NUDT9: variants seen among roughly 807,000 people sequenced by gnomAD.
NUDT9 encodes ADP-ribose pyrophosphatase.
A neutral mutation model predicts 41.0 loss-of-function variants in NUDT9; 31 were observed. That is an observed-to-expected ratio of 0.76 (90% CI 0.57 to 1.02). The LOEUF (loss-of-function observed/expected upper bound fraction) is 1.02, where lower values mean the gene tolerates loss of function less well. NUDT9 is among the 50% of genes least tolerant of loss of function. The pLI is 0.00. For missense variants in NUDT9, 380 were observed against 431.4 expected (o/e 0.88, Z 1.06); for synonymous variants, 146 against 147.6 (o/e 0.99, Z 0.08).
At chr4:87,448,920 A>T (rs915004685) in intron 4 of NUDT9, among the ~76,000 whole-genome samples, 4 of 152,224 alleles carry the variant, frequency 2.6e-5, no homozygotes, top group African/African-American at 9.6e-5. Flanking sequence ...CAGATAATGT[A>T]GTGTCTTTTA....
chr4:87,428,342 AC>A (rs919375309), intron 1 of NUDT9, among the ~76,000 whole-genome samples: 5 of 152,188 alleles, frequency 3.3e-5, no homozygotes, highest in African/African-American at 9.7e-5. Context: ...TTCTTACAGA[AC>A]TCAACACTTA....
intron 1 of NUDT9, chr4:87,434,289 C>T (rs1020619919): frequency 1.3e-5 from 2 of 152,132 alleles, no homozygotes; most frequent in African/African-American, 4.8e-5. Context: ...AGTGATCTGC[C>T]CTCCTTAGCC....
rs972619921 is a variant in NUDT9, at chr4:87,458,940, G to A, written c.*919G>A. 8 of 152,174 alleles carry A rather than the reference G, an allele frequency of 5.3e-5. No homozygotes were observed. The allele number at this position is 152,174 out of a possible 1,614,324, so 9.4% of individuals were successfully genotyped here. A position where few individuals can be genotyped will look rare whatever the true frequency, so the allele number is the denominator to read the frequency against. On this transcript the variant is annotated 3_prime_UTR_variant, in exon 8 of 8. Transcript: ENST00000302174. ...ATTTGACCCAGTAATCCCATTACTA[G>A]GTATATACCCGAAGGAATATAAATT...
intron 1 of NUDT9, among the ~76,000 whole-genome samples, chr4:87,428,817 A>G (rs148193581): frequency 2.0e-5 from 3 of 152,272 alleles, no homozygotes; most frequent in East Asian, 3.9e-4. Flanking sequence ...ACCTCCACCC[A>G]TGCATAGCCT....
chr4:87,437,371 CG>C (rs1406097914), intron 2 of NUDT9, among the ~76,000 whole-genome samples: 1 of 151,790 alleles, frequency 6.6e-6, no homozygotes, highest in African/African-American at 2.4e-5. Flanking sequence ...GATGGAGTCT[CG>C]CTCTGTCGCC....
intron 3 of NUDT9, among the ~76,000 whole-genome samples, chr4:87,439,772 C>T (rs967475761): frequency 6.6e-6 from 1 of 152,130 alleles, no homozygotes; most frequent in Admixed American, 6.5e-5. Context: ...GTTCTGCCCT[C>T]AATTTTCGAG....
intron 1 of NUDT9, among the ~76,000 whole-genome samples, chr4:87,430,112 G>T (rs1417460316): frequency 1.3e-5 from 2 of 152,198 alleles, no homozygotes; most frequent in African/African-American, 4.8e-5. Flanking sequence ...CGTGATCAAA[G>T]ATATGATTAC....
At chr4:87,425,390 CCT>C (rs1491276326) in intron 1 of NUDT9, among the ~76,000 whole-genome samples, 2 of 128,816 alleles carry the variant, frequency 1.6e-5, no homozygotes, top group Admixed American at 1.6e-4. Context: ...GTGTTCTTTT[CCT>C]TTTTTTTTTT....
intron 2 of NUDT9, among the ~76,000 whole-genome samples, chr4:87,437,903 C>T (rs1722025142): frequency 6.6e-6 from 1 of 152,040 alleles, no homozygotes; most frequent in African/African-American, 2.4e-5. Context: ...CAGAAGGAAT[C>T]TTATTTTTGG....
In NUDT9 at chr4:87,422,774, G is replaced by C. The variant is rs1241465689; in HGVS notation, c.-132G>C. ...TAGATAGGCACAGCTACTCCCGTTCGGGAACCCAACGGCAGACAGGTCCTA... is the reference window on the plus strand; with the variant it reads ...TAGATAGGCACAGCTACTCCCGTTCCGGAACCCAACGGCAGACAGGTCCTA... On this transcript the variant is annotated 5_prime_UTR_variant, in exon 1 of 8. Transcript: ENST00000302174. 1 of 578,720 alleles carries C rather than the reference G, an allele frequency of 1.7e-6. No individual in the cohort carries two copies. Among genetic ancestry groups the C allele is most frequent in the East Asian group, 3.0e-5 (1 of 33,200 alleles). 35.8% of individuals were successfully genotyped at this position (578,720 alleles called of 1,614,324 possible).
chr4:87,425,391 C>CTTT lies in NUDT9; in HGVS notation c.107+2397_107+2399dup, dbSNP rs70957241. 4.5e-4 allele frequency among the ~76,000 whole-genome samples: 53 copies of CTTT among 116,710 alleles called. 1 individual carries two copies. The highest frequency in any genetic ancestry group is 1.2e-3 in the African/African-American group (38 of 30,566). The allele number at this position is 116,710 out of a possible 152,430, so 76.6% of individuals were successfully genotyped here. A position where few individuals can be genotyped will look rare whatever the true frequency, so the allele number is the denominator to read the frequency against. On this transcript the variant is annotated intron_variant, in intron 1 of 7. Coordinates refer to ENST00000302174, the MANE Select transcript of NUDT9 (RefSeq NM_024047.5). ...AGACCGTGTCCCTAGTGTTCTTTTC[C>CTTT]TTTTTTTTTTTTTTTTTTTTGAGAT...
At position 87,434,966 on chromosome 4, in the gene NUDT9, CT is replaced by C; in HGVS notation, c.108-10del. The C allele has an allele frequency of 1.3e-6, 2 of 1,592,872 alleles. No individual in the cohort carries two copies. The highest frequency in any genetic ancestry group is 1.7e-6 in the Non-Finnish European group (2 of 1,171,614). On this transcript the variant is annotated splice_polypyrimidine_tract_variant and intron_variant, in intron 1 of 7. Coordinates refer to ENST00000302174, the MANE Select transcript of NUDT9 (RefSeq NM_024047.5). ...TTTGGTATTTATGTAAAATGTTTTTCTTTTTCTCCCCCAGAAACTCGTTTTC... is the reference window on the plus strand; with the variant it reads ...TTTGGTATTTATGTAAAATGTTTTTCTTTTCTCCCCCAGAAACTCGTTTTC...
At chr4:87,423,504 G>T (rs1721248167) in intron 1 of NUDT9, among the ~76,000 whole-genome samples, 2 of 150,014 alleles carry the variant, frequency 1.3e-5, no homozygotes, top group Non-Finnish European at 3.0e-5. Context: ...GATTTATGGT[G>T]TCTTACACTG....
rs766962888 is a variant in NUDT9 at position 87,422,877 on chromosome 4, A to G, written c.-29A>G. 4 of 1,580,660 alleles carry G rather than the reference A, an allele frequency of 2.5e-6. No individual in the cohort carries two copies. Among genetic ancestry groups the G allele is most frequent in the Admixed American group, 1.7e-5 (1 of 59,404 alleles). On this transcript the variant is annotated 5_prime_UTR_variant, in exon 1 of 8. Transcript: ENST00000302174. Reference sequence around the variant, plus strand: ...CGGAGGCACCAACTAAGAGCGACCTAGCATCGCAAAGCCGCCCTCGGGGCG... The same window carrying G: ...CGGAGGCACCAACTAAGAGCGACCTGGCATCGCAAAGCCGCCCTCGGGGCG...
chr4:87,442,002 T>C, intron 4 of NUDT9, 87 bp downstream of exon 4: 1 of 828,486 alleles, frequency 1.2e-6, no homozygotes, highest in South Asian at 1.8e-5. Context: ...TATATATGTA[T>C]ACCTGTGTGT....
Position 87,458,164 on chromosome 4 carries a change from C to T in NUDT9, c.*143C>T, listed in dbSNP as rs538487726. ...AAAACAATTTGCATTTAGAGTGTTT[C>T]GCATCAGAATAACATGAGTAAGATG... On this transcript the variant is annotated 3_prime_UTR_variant, in exon 8 of 8. Coordinates refer to ENST00000302174, the MANE Select transcript of NUDT9 (RefSeq NM_024047.5). 2.4e-5 allele frequency: 15 copies of T among 614,896 alleles called. No homozygotes were observed. Among genetic ancestry groups the T allele is most frequent in the Admixed American group, 1.2e-4 (3 of 24,836 alleles). 38.1% of individuals were successfully genotyped at this position (614,896 alleles called of 1,614,324 possible). A position where few individuals can be genotyped will look rare whatever the true frequency, so the allele number is the denominator to read the frequency against.
At chr4:87,453,971 T>G (rs1722873308) in intron 6 of NUDT9, among the ~76,000 whole-genome samples, 1 of 151,722 alleles carries the variant, frequency 6.6e-6, no homozygotes, top group Non-Finnish European at 1.5e-5. Context: ...TAATTTCTCC[T>G]GTCTTAGCCT....
At chr4:87,443,544 G>A (rs138033513) in intron 4 of NUDT9, among the ~76,000 whole-genome samples, 1 of 152,306 alleles carries the variant, frequency 6.6e-6, no homozygotes, top group East Asian at 1.9e-4. Flanking sequence ...GTTGCAAGAT[G>A]GAAAATGTGA....
rs530680876 is a variant in NUDT9 at position 87,447,436 on chromosome 4, A to G, written c.531-1706A>G. On this transcript the variant is annotated intron_variant, in intron 4 of 7. Transcript: ENST00000302174. Reference sequence around the variant, plus strand: ...TTTATTGGGTTTCATCCAGAGTAATACTTATATCATAGACCTTCTTTTTTG... The same window carrying G: ...TTTATTGGGTTTCATCCAGAGTAATGCTTATATCATAGACCTTCTTTTTTG... Among the ~76,000 whole-genome samples the G allele has an allele frequency of 3.0e-4, 46 of 151,344 alleles. 1 individual carries two copies. In the South Asian group the frequency reaches 9.2e-3, roughly 30 times the overall value.
Sources: allele counts gnomAD v4.1 joint callset (sites outside exome capture counted in the v4.1 genomes callset), GRCh38; gene constraint gnomAD v4.1.1; transcripts MANE v1.5; gene names NCBI Gene and HGNC (gene_info 2026-07-23, HGNC 2026-07-21).